COL24A1: variants seen among roughly 807,000 people sequenced by gnomAD.
COL24A1 encodes the protein collagen type XXIV alpha 1 chain.
In COL24A1, 224 loss-of-function variants were observed where a neutral mutation model predicts 253.9. That is an observed-to-expected ratio of 0.88 (90% CI 0.79 to 0.99). The LOEUF (loss-of-function observed/expected upper bound fraction) is 0.99. Among genes scored for constraint, COL24A1 ranks in the 50% least tolerant of loss-of-function variants. The probability of loss-of-function intolerance (pLI) is 0.00; values close to 1 mark genes in which losing one functional copy is unlikely to be tolerated. For missense variants in COL24A1, 2,131 were observed against 2,068.5 expected (o/e 1.03, Z -0.59); for synonymous variants, 685 against 673.7 (o/e 1.02, Z -0.26).
chr1:85,806,182 C>G (rs1310489739), intron 47 of COL24A1, among the ~76,000 whole-genome samples: 1 of 151,610 alleles, frequency 6.6e-6, no homozygotes, highest in Non-Finnish European at 1.5e-5. Flanking sequence ...TCTATAAATT[C>G]AAGACAAATC....
At chr1:85,924,765 A>G (rs1045984906) in intron 24 of COL24A1, among the ~76,000 whole-genome samples, 2 of 152,220 alleles carry the variant, frequency 1.3e-5, no homozygotes, top group African/African-American at 2.4e-5. Context: ...CTGGCACAAG[A>G]CAGAGATGCC....
At chr1:85,833,124 T>G (rs1177694335) in intron 43 of COL24A1, among the ~76,000 whole-genome samples, 1 of 151,718 alleles carries the variant, frequency 6.6e-6, no homozygotes, top group Non-Finnish European at 1.5e-5. Flanking sequence ...TAATGGAGAG[T>G]TTTTAGCATG....
At chr1:85,965,577 G>A (rs1179994769) in intron 22 of COL24A1, among the ~76,000 whole-genome samples, 2 of 152,026 alleles carry the variant, frequency 1.3e-5, no homozygotes, top group Non-Finnish European at 2.9e-5. Flanking sequence ...GAGAGAGAGA[G>A]AGAAGCTATT....
chr1:85,736,247 C>G (rs1557929926), intron 58 of COL24A1: 1 of 454,128 alleles, frequency 2.2e-6, no homozygotes, highest in Non-Finnish European at 4.4e-6. Context: ...GATTCCAAGT[C>G]TACTGTTCAT....
At chr1:85,784,599 T>A (rs1669482041) in intron 48 of COL24A1, among the ~76,000 whole-genome samples, 1 of 151,956 alleles carries the variant, frequency 6.6e-6, no homozygotes, top group Non-Finnish European at 1.5e-5. Flanking sequence ...GAGATTGTGG[T>A]GATGTGTGGA....
chr1:85,747,180 C>T (rs1665320561), intron 55 of COL24A1, among the ~76,000 whole-genome samples: 1 of 145,438 alleles, frequency 6.9e-6, no homozygotes, highest in Non-Finnish European at 1.5e-5. Flanking sequence ...GGTGCGATCT[C>T]GGCTCACTGC....
At chr1:85,961,108 T>C (rs1024558997) in intron 24 of COL24A1, 141 bp downstream of exon 24, 1 of 667,338 alleles carries the variant, frequency 1.5e-6, no homozygotes, top group African/African-American at 1.9e-5. Flanking sequence ...AGCAGAAACA[T>C]CACAAGTAAG....
At chr1:86,024,835 C>A (rs1234135221) in intron 14 of COL24A1, among the ~76,000 whole-genome samples, 2 of 152,094 alleles carry the variant, frequency 1.3e-5, no homozygotes, top group African/African-American at 4.8e-5. Context: ...AACAAACACA[C>A]ACACAAATCT....
At chr1:85,768,460 C>A (rs1350808713) in intron 53 of COL24A1, among the ~76,000 whole-genome samples, 1 of 151,972 alleles carries the variant, frequency 6.6e-6, no homozygotes, top group Non-Finnish European at 1.5e-5. Context: ...GGAGGGATAT[C>A]ATGATCACCT....
At chr1:85,961,136 T>C in intron 24 of COL24A1, 113 bp downstream of exon 24, 2 of 789,578 alleles carry the variant, frequency 2.5e-6, no homozygotes, top group South Asian at 1.6e-5. Flanking sequence ...TTGTAGTGGA[T>C]AAGAATTATT....
chr1:86,048,611 C>A (rs761929833), intron 11 of COL24A1, among the ~76,000 whole-genome samples: 7 of 152,176 alleles, frequency 4.6e-5, no homozygotes, highest in Non-Finnish European at 8.8e-5. Context: ...CTGCCTCAGC[C>A]TCCCAAGTAG....
At chr1:85,775,909 T>A (rs1570564856) in intron 52 of COL24A1, among the ~76,000 whole-genome samples, 200 bp from the exon 53 acceptor site, 1 of 152,198 alleles carries the variant, frequency 6.6e-6, no homozygotes, top group Non-Finnish European at 1.5e-5. Flanking sequence ...TAGTGATTCA[T>A]GTTGTCTGCT....
chr1:86,100,448 T>A (rs1042107179), intron 5 of COL24A1, among the ~76,000 whole-genome samples: 3 of 152,172 alleles, frequency 2.0e-5, no homozygotes, highest in Non-Finnish European at 4.4e-5. Context: ...TACCATTTTT[T>A]AAAATAATGA....
intron 39 of COL24A1, among the ~76,000 whole-genome samples, chr1:85,844,684 T>C (rs901146568): frequency 1.3e-5 from 2 of 151,788 alleles, no homozygotes; most frequent in Non-Finnish European, 1.5e-5. Context: ...AAAAATTAAT[T>C]ATAAGAAAAT....
At chr1:85,945,272 G>A (rs1689224888) in intron 24 of COL24A1, among the ~76,000 whole-genome samples, 1 of 151,332 alleles carries the variant, frequency 6.6e-6, no homozygotes, top group Non-Finnish European at 1.5e-5. Flanking sequence ...CCACCTCCCG[G>A]CCTCCCAAAG....
At chr1:85,954,224 T>A (rs560933168) in intron 24 of COL24A1, among the ~76,000 whole-genome samples, 1 of 152,334 alleles carries the variant, frequency 6.6e-6, no homozygotes, top group South Asian at 2.1e-4. Context: ...TCAAAAATGA[T>A]AAATATCAAA....
chr1:86,128,948 T>G (rs1004260708), intron 2 of COL24A1, among the ~76,000 whole-genome samples: 1 of 151,902 alleles, frequency 6.6e-6, no homozygotes, highest in Non-Finnish European at 1.5e-5. Context: ...TGTCCTATAT[T>G]TATCAGACAA....
chr1:85,792,875 T>C (rs1294004666), intron 47 of COL24A1, among the ~76,000 whole-genome samples: 1 of 152,022 alleles, frequency 6.6e-6, no homozygotes, highest in Admixed American at 6.6e-5. Context: ...TTACCTTTAG[T>C]GGTAATCAGA....
At chr1:85,950,798 G>A (rs7518925) in intron 24 of COL24A1, among the ~76,000 whole-genome samples, 2,592 of 152,304 alleles carry the variant, frequency 0.017, 79 homozygotes, top group African/African-American at 0.06. Context: ...GATACTTGAT[G>A]TGAAGTATAG....
Sources: gnomAD v4.1 joint callset for allele counts (sites outside exome capture counted in the v4.1 genomes callset) on GRCh38, gnomAD v4.1.1 for gene constraint, MANE v1.5 for transcripts, NCBI Gene and HGNC (gene_info 2026-07-23, HGNC 2026-07-21) for gene names.